The following MCTP1 variants were observed in gnomAD, a reference collection of about 807,000 sequenced individuals.
MCTP1 encodes multiple C2 and transmembrane domain-containing protein 1.
MCTP1 carries 69 observed loss-of-function variants against 120.6 expected under a neutral mutation model. The observed-to-expected ratio is 0.57, with a 90% CI of 0.47 to 0.70. MCTP1 has a LOEUF of 0.70. Among genes scored for constraint, MCTP1 ranks in the 30% least tolerant of loss-of-function variants. The probability of loss-of-function intolerance (pLI) is 0.00; values close to 1 mark genes in which losing one functional copy is unlikely to be tolerated. For missense variants in MCTP1, 1,203 were observed against 1,248.8 expected, an observed-to-expected ratio of 0.96 and a Z score of 0.55; for synonymous variants, 529 against 493.1, an observed-to-expected ratio of 1.07 and a Z score of -0.96.
chr5:95,038,887 A>T (rs911640007), intron 1 of MCTP1, among the ~76,000 whole-genome samples: 3 of 152,178 alleles, frequency 2.0e-5, no homozygotes, highest in South Asian at 2.1e-4. Context: ...TACTGCCTCA[A>T]GCAAATAACT....
intron 2 of MCTP1, among the ~76,000 whole-genome samples, chr5:94,986,206 G>T (rs1256458270): frequency 7.0e-6 from 1 of 143,790 alleles, no homozygotes; most frequent in Non-Finnish European, 1.5e-5. Context: ...GGCTGCAAAA[G>T]TAAATAAATA....
chr5:95,063,389 C>A (rs1369699916), intron 1 of MCTP1, among the ~76,000 whole-genome samples: 1 of 152,096 alleles, frequency 6.6e-6, no homozygotes, highest in Non-Finnish European at 1.5e-5. Context: ...GTAAACAAAT[C>A]CATGGTGGTG....
At chr5:94,914,888 CTTATTA>C (rs35928613) in intron 8 of MCTP1, among the ~76,000 whole-genome samples, 1 of 152,180 alleles carries the variant, frequency 6.6e-6, no homozygotes, top group Non-Finnish European at 1.5e-5. Context: ...TTTCATGCAA[CTTATTA>C]TTATATAATC....
At chr5:95,094,051 T>C (rs563225311) in intron 1 of MCTP1, among the ~76,000 whole-genome samples, 60 of 152,298 alleles carry the variant, frequency 3.9e-4, no homozygotes, top group African/African-American at 1.1e-3. Context: ...AAGCCCCCAG[T>C]TGAGTGATGC....
chr5:95,147,376 G>A (rs768960855), intron 1 of MCTP1, among the ~76,000 whole-genome samples: 10 of 152,292 alleles, frequency 6.6e-5, no homozygotes, highest in Middle Eastern at 3.4e-3. Flanking sequence ...GTGAGCCACC[G>A]CGCCCAGCTA....
intron 12 of MCTP1, chr5:94,877,454 A>G (rs1440223206): frequency 1.3e-5 from 2 of 152,034 alleles, no homozygotes; most frequent in East Asian, 3.9e-4. Context: ...TTTTACCCTA[A>G]CTCATAAAAC....
chr5:95,134,225 T>A (rs190168962), intron 1 of MCTP1, among the ~76,000 whole-genome samples: 43 of 152,362 alleles, frequency 2.8e-4, no homozygotes, highest in African/African-American at 1.0e-3. Flanking sequence ...TGTTTATGAT[T>A]TTTGAAACTC....
intron 19 of MCTP1, among the ~76,000 whole-genome samples, chr5:94,778,598 C>T (rs1021623294): frequency 3.9e-5 from 6 of 152,126 alleles, no homozygotes; most frequent in South Asian, 2.1e-4. Flanking sequence ...AACCACGTGG[C>T]CATTCCAAAC....
At chr5:95,097,845 A>C (rs1403562543) in intron 1 of MCTP1, among the ~76,000 whole-genome samples, 1 of 152,196 alleles carries the variant, frequency 6.6e-6, no homozygotes, top group Non-Finnish European at 1.5e-5. Flanking sequence ...TGGTCCAACA[A>C]CTGGGGTCAT....
intron 1 of MCTP1, among the ~76,000 whole-genome samples, chr5:95,190,345 G>T (rs903927584): frequency 7.2e-5 from 11 of 152,104 alleles, no homozygotes; most frequent in African/African-American, 2.7e-4. Flanking sequence ...ATGAGGAAAA[G>T]ATGCCTGAGA....
At chr5:94,926,168 A>C (rs1813066249) in intron 6 of MCTP1, among the ~76,000 whole-genome samples, 1 of 152,222 alleles carries the variant, frequency 6.6e-6, no homozygotes, top group African/African-American at 2.4e-5. Flanking sequence ...AGCTTTTATT[A>C]AAAGTGATAT....
chr5:95,069,244 A>G (rs1353272495), intron 1 of MCTP1, among the ~76,000 whole-genome samples: 1 of 152,218 alleles, frequency 6.6e-6, no homozygotes, highest in African/African-American at 2.4e-5. Context: ...GGAAACAGTG[A>G]TGAGTGAAAT....
chr5:95,070,594 C>A (rs1468266669), intron 1 of MCTP1, among the ~76,000 whole-genome samples: 1 of 152,226 alleles, frequency 6.6e-6, no homozygotes, highest in African/African-American at 2.4e-5. Flanking sequence ...CAAATCCAAG[C>A]ACTACTCCTG....
chr5:95,232,336 T>C (rs545854151), intron 1 of MCTP1, among the ~76,000 whole-genome samples: 2 of 151,902 alleles, frequency 1.3e-5, no homozygotes, highest in East Asian at 1.9e-4. Flanking sequence ...TTTAACTGAA[T>C]CATATCAATA....
chr5:94,746,881 T>A (rs532310576), intron 19 of MCTP1, among the ~76,000 whole-genome samples: 4 of 152,334 alleles, frequency 2.6e-5, no homozygotes, highest in Admixed American at 1.3e-4. Flanking sequence ...CAGTATATTT[T>A]GCTGTGGCTA....
chr5:94,949,785 G>A (rs1423314748), intron 3 of MCTP1, among the ~76,000 whole-genome samples: 2 of 152,028 alleles, frequency 1.3e-5, no homozygotes, highest in Admixed American at 6.5e-5. Context: ...CATACTCTCA[G>A]TCACTACAGA....
intron 19 of MCTP1, among the ~76,000 whole-genome samples, chr5:94,734,454 T>G (rs1010853858): frequency 6.6e-6 from 1 of 152,228 alleles, no homozygotes; most frequent in African/African-American, 2.4e-5. Flanking sequence ...GTTAATCATG[T>G]GGTTACTATG....
At chr5:95,159,066 C>T (rs1478993410) in intron 1 of MCTP1, among the ~76,000 whole-genome samples, 1 of 151,968 alleles carries the variant, frequency 6.6e-6, no homozygotes, top group Non-Finnish European at 1.5e-5. Context: ...GGCAATCATA[C>T]CAGACTACAA....
Position 95,186,207 on chromosome 5 carries a change from A to C in MCTP1, c.720+97649T>G, listed in dbSNP as rs549164055. ...AGACTGGGAAAGAAGAAGTAAACCC[A>C]TCTCTATTTGCAGATAACGTAATTG... On this transcript the variant is annotated intron_variant, in intron 1 of 22. Transcript: ENST00000515393. Among the ~76,000 whole-genome samples, 12 of 151,848 alleles carry C rather than the reference A, an allele frequency of 7.9e-5. No individual in the cohort carries two copies. In the East Asian group the frequency reaches 2.3e-3, roughly 29 times the overall value.
Sources: allele counts gnomAD v4.1 joint callset (sites outside exome capture counted in the v4.1 genomes callset), GRCh38; gene constraint gnomAD v4.1.1; transcripts MANE v1.5; gene names NCBI Gene and HGNC (gene_info 2026-07-23, HGNC 2026-07-21).